Variants in ANKRD11 observed in about 807,000 individuals in gnomAD.
ANKRD11 encodes ankyrin repeat domain 11, also known as ankyrin repeat domain-containing protein 11.
In ANKRD11, 17 loss-of-function variants were observed where a neutral mutation model predicts 195.7. The observed-to-expected ratio is 0.09, with a 90% confidence interval of 0.06 to 0.13. The LOEUF is 0.13. Ranked by LOEUF, ANKRD11 falls within the 10% of genes least tolerant of loss-of-function variation. The pLI, the probability that ANKRD11 is intolerant of heterozygous loss-of-function variation, is 1.00. For synonymous variants in ANKRD11, 1,953 were observed against 1,528.1 expected, an observed-to-expected ratio of 1.28 and a Z score of -6.49; for missense variants, 3,735 against 3,566.1, an observed-to-expected ratio of 1.05 and a Z score of -1.21.
intron 1 of ANKRD11, among the ~76,000 whole-genome samples, chr16:89,445,083 G>GGTGC (rs1467619769): frequency 6.6e-6 from 1 of 152,194 alleles, no homozygotes; most frequent in Non-Finnish European, 1.5e-5. Flanking sequence ...CTTGGGTGAG[G>GGTGC]GTGCCCAGGC....
At chr16:89,367,580 T>C (rs1459127894) in intron 2 of ANKRD11, among the ~76,000 whole-genome samples, 1 of 152,096 alleles carries the variant, frequency 6.6e-6, no homozygotes, top group Non-Finnish European at 1.5e-5. Flanking sequence ...TCCTGACCCG[T>C]CCCTCCTCAG....
At chr16:89,357,006 G>C (rs1228950945) in intron 2 of ANKRD11, among the ~76,000 whole-genome samples, 1 of 152,194 alleles carries the variant, frequency 6.6e-6, no homozygotes, top group Non-Finnish European at 1.5e-5. Context: ...AGCAGGGCAT[G>C]TCCCAATGCT....
At chr16:89,443,929 G>A (rs765397853) in intron 1 of ANKRD11, among the ~76,000 whole-genome samples, 60 of 152,168 alleles carry the variant, frequency 3.9e-4, no homozygotes, top group Non-Finnish European at 7.6e-4. Flanking sequence ...GTGCCGGGCC[G>A]GCGTCAACAC....
chr16:89,483,440 T>G (rs1487225787), intron 1 of ANKRD11, among the ~76,000 whole-genome samples: 1 of 152,226 alleles, frequency 6.6e-6, no homozygotes, highest in Non-Finnish European at 1.5e-5. Flanking sequence ...GAACTGTAAG[T>G]GCAAGCGTGC....
chr16:89,470,162 TC>T (rs1487956679), intron 1 of ANKRD11, among the ~76,000 whole-genome samples: 5 of 151,920 alleles, frequency 3.3e-5, no homozygotes, highest in African/African-American at 1.2e-4. Flanking sequence ...TGCCCCGGCC[TC>T]CCAAAGCGCT....
chr16:89,482,850 G>A (rs576923893), intron 1 of ANKRD11, among the ~76,000 whole-genome samples: 17 of 152,336 alleles, frequency 1.1e-4, no homozygotes, highest in Non-Finnish European at 2.2e-4. Flanking sequence ...TGAAGACTGA[G>A]GAAAGCACTA....
chr16:89,367,136 C>T (rs542033975), intron 2 of ANKRD11, among the ~76,000 whole-genome samples: 25 of 152,306 alleles, frequency 1.6e-4, no homozygotes, highest in Non-Finnish European at 3.2e-4. Context: ...CTCTCCACCC[C>T]GCACCCATCG....
At chr16:89,423,125 C>T (rs1211576542) in intron 1 of ANKRD11, among the ~76,000 whole-genome samples, 2 of 152,234 alleles carry the variant, frequency 1.3e-5, no homozygotes, top group African/African-American at 4.8e-5. Flanking sequence ...TCAGCTCCCT[C>T]CCGTGAGCCA....
chr16:89,489,830 C>G (rs2057755918), intron 1 of ANKRD11, among the ~76,000 whole-genome samples: 1 of 146,026 alleles, frequency 6.8e-6, no homozygotes, highest in African/African-American at 2.5e-5. Context: ...CCCGGGCCCC[C>G]ACGGCCCCCA....
chr16:89,475,396 G>A (rs761753081), intron 1 of ANKRD11, among the ~76,000 whole-genome samples: 8 of 152,016 alleles, frequency 5.3e-5, no homozygotes, highest in East Asian at 1.9e-4. Flanking sequence ...TGAAAGCCCC[G>A]TAACCCACCA....
At chr16:89,371,404 C>A (rs1416779836) in intron 2 of ANKRD11, among the ~76,000 whole-genome samples, 1 of 152,234 alleles carries the variant, frequency 6.6e-6, no homozygotes, top group Non-Finnish European at 1.5e-5. Flanking sequence ...TCATTCCCTG[C>A]ACAGACAGGT....
At chr16:89,399,110 CCCAGGTGGCT>C (rs957466540) in intron 2 of ANKRD11, among the ~76,000 whole-genome samples, 3 of 152,216 alleles carry the variant, frequency 2.0e-5, no homozygotes, top group African/African-American at 7.2e-5. Flanking sequence ...CCTGTCACAG[CCCAGGTGGCT>C]CCGAACACGG....
intron 1 of ANKRD11, among the ~76,000 whole-genome samples, chr16:89,455,959 A>G (rs1437193070): frequency 6.6e-6 from 1 of 152,118 alleles, no homozygotes; most frequent in Non-Finnish European, 1.5e-5. Flanking sequence ...GGAAACAGGT[A>G]GGGCGTGGTG....
intron 1 of ANKRD11, among the ~76,000 whole-genome samples, chr16:89,486,530 G>C (rs1327033300): frequency 6.6e-6 from 1 of 152,038 alleles, no homozygotes; most frequent in East Asian, 1.9e-4. Flanking sequence ...TTGGAGTTTG[G>C]GGGGATCTGC....
chr16:89,433,395 C>G (rs2043081390), intron 1 of ANKRD11, among the ~76,000 whole-genome samples: 1 of 152,238 alleles, frequency 6.6e-6, no homozygotes, highest in Non-Finnish European at 1.5e-5. Flanking sequence ...AGCACAGGAA[C>G]CTAACAGCAT....
chr16:89,426,425 G>C lies in ANKRD11; in HGVS notation c.-144-8057C>G, dbSNP rs562742086. ...GCTCCACAAGACCCCAACCAGCGCCGGCCGAGTTCACAAGCTCCCTGAGCA... is the reference window on the plus strand; with the variant it reads ...GCTCCACAAGACCCCAACCAGCGCCCGCCGAGTTCACAAGCTCCCTGAGCA... On this transcript the variant is annotated intron_variant, in intron 1 of 12. Transcript: ENST00000301030. Among the ~76,000 whole-genome samples the C allele has an allele frequency of 2.0e-5, 3 of 151,986 alleles. No homozygotes were observed. The East Asian group carries it at 5.8e-4, about 29-fold the overall frequency.
chr16:89,288,418 G>C (rs2034801025), intron 7 of ANKRD11, 110 bp downstream of exon 7: 1 of 1,547,914 alleles, frequency 6.5e-7, no homozygotes, highest in Non-Finnish European at 8.8e-7. Context: ...GCGAAAACTC[G>C]CTTTCCTGTG....
At chr16:89,339,511 G>T (rs538085677) in intron 2 of ANKRD11, among the ~76,000 whole-genome samples, 11 of 152,268 alleles carry the variant, frequency 7.2e-5, no homozygotes, top group African/African-American at 2.6e-4. Flanking sequence ...TATAAAGGTG[G>T]CTCTTTCACA....
intron 2 of ANKRD11, among the ~76,000 whole-genome samples, chr16:89,349,134 TAAAAAA>T (rs59621400): frequency 1.5e-3 from 25 of 16,578 alleles, no homozygotes; most frequent in South Asian, 3.6e-3. Context: ...TCTCAAAAAG[TAAAAAA>T]AAAAAAAAAA....
Sources: gnomAD v4.1 joint callset for allele counts (sites outside exome capture counted in the v4.1 genomes callset) on GRCh38, gnomAD v4.1.1 for gene constraint, MANE v1.5 for transcripts, NCBI Gene and HGNC (gene_info 2026-07-23, HGNC 2026-07-21) for gene names.